IGFN1: variants seen among roughly 807,000 people sequenced by gnomAD.
IGFN1 encodes the protein immunoglobulin like and fibronectin type III domain containing 1, also known as immunoglobulin-like and fibronectin type III domain-containing protein 1.
A neutral mutation model predicts 289.5 loss-of-function variants in IGFN1; 253 were observed. The observed-to-expected ratio is 0.87, with a 90% CI of 0.79 to 0.97. IGFN1 has a LOEUF of 0.97. IGFN1 is among the 50% of genes least tolerant of loss of function. IGFN1 has a pLI of 0.00. For missense variants in IGFN1, 4,470 were observed against 4,686.1 expected (o/e 0.95, Z 1.35); for synonymous variants, 1,706 against 1,788.5 (o/e 0.95, Z 1.16).
At chr1:201,193,405 T>C (rs974882607) in intron 2 of IGFN1, 105 bp downstream of exon 2, 1 of 778,398 alleles carries the variant, frequency 1.3e-6, no homozygotes, top group African/African-American at 1.8e-5. Flanking sequence ...AACTTGCCCA[T>C]CTTGTTGTTG....
At chr1:201,205,503 C>T (rs769270207) in intron 11 of IGFN1, 149 bp downstream of exon 11, 4 of 893,518 alleles carry the variant, frequency 4.5e-6, no homozygotes, top group Non-Finnish European at 5.0e-6. Flanking sequence ...GCAGTGCAGA[C>T]CTTCATGGCC....
In IGFN1 at chr1:201,210,875, T is replaced by G; in HGVS notation, c.5982T>G (p.Asp1994Glu). 6.5e-7 allele frequency: 1 copy of G among 1,530,096 alleles called. No individual in the cohort carries two copies. Among genetic ancestry groups the G allele is most frequent in the Non-Finnish European group, 8.7e-7 (1 of 1,144,834 alleles). 94.8% of individuals were successfully genotyped at this position (1,530,096 alleles called of 1,614,324 possible). A position where few individuals can be genotyped will look rare whatever the true frequency, so the allele number is the denominator to read the frequency against. ...GTTCTGAGGAAATGGGGTCAATGGA[T>G]GAGGCAGGTTATAGGAAGGATTTGG... Reference protein sequence around the residue: ...LGGSEEMGSMDEAGYRKDLGA... With the variant: ...LGGSEEMGSMEEAGYRKDLGA... The change falls in exon 12 of 24, where the codon GAT becomes GAG. Residue 1994 changes from aspartate to glutamate, a missense_variant. Coordinates refer to ENST00000335211, the MANE Select transcript of IGFN1 (RefSeq NM_001164586.2).
At position 201,207,945 on chromosome 1, in the gene IGFN1, G is replaced by A. The variant is rs1667511313; in HGVS notation, c.3052G>A (p.Gly1018Arg). 1 of 1,536,816 alleles carries A rather than the reference G, an allele frequency of 6.5e-7. No homozygotes were observed. The highest frequency in any genetic ancestry group is 2.4e-5 in the East Asian group (1 of 40,916). ...CAGGCATGGCTCCGGAGCGCCTGGG[G>A]GAGTGTGGTCTGGAAATGAAGATTC... The part of the protein sequence containing the change: ...GYRHGSGAPG[G>R]VWSGNEDSGP... Residue 1018 changes from glycine to arginine, a missense_variant, in exon 12 of 24, where the codon GGA (glycine) becomes AGA (arginine). Physicochemically the swap from Gly to Arg is moderately radical, Grantham distance 125 (BLOSUM62 -2). Around this residue, in one of 8 missense-constraint regions of IGFN1, gnomAD observed 2,011 missense variants for 1,953.4 expected, o/e 1.03. Coordinates refer to ENST00000335211, the MANE Select transcript of IGFN1 (RefSeq NM_001164586.2).
chr1:201,206,567 C>T lies in IGFN1; in HGVS notation c.1674C>T (p.Gly558=), dbSNP rs1272630076. The T allele has an allele frequency of 6.5e-7, 1 of 1,550,022 alleles. No individual in the cohort carries two copies. The highest frequency in any genetic ancestry group is 2.0e-5 in the Admixed American group (1 of 50,988). ...NSDECWRKAG[G]WEAGSSRLQA... ...ATGAATGCTGGAGGAAAGCAGGAGG[C>T]TGGGAGGCTGGGTCCAGTCGGCTTC... is the stretch of plus-strand genomic sequence containing the variant. The change falls in exon 12 of 24, where the codon GGC becomes GGT. Residue 558 remains glycine, a synonymous_variant. Coordinates refer to ENST00000335211, the MANE Select transcript of IGFN1 (RefSeq NM_001164586.2).
In IGFN1 at chr1:201,220,896, C is replaced by T. The variant is rs151123719; in HGVS notation, c.9899-548C>T. On this transcript the variant is annotated intron_variant, in intron 18 of 23. Coordinates refer to ENST00000335211, the MANE Select transcript of IGFN1 (RefSeq NM_001164586.2). ...TTTTAAGCTCACCAGGTGATTCCAA[C>T]GTGCAGCCAGACTTGAGGGCCAGAG... 2.5e-3 allele frequency among the ~76,000 whole-genome samples: 388 copies of T among 152,274 alleles called. 3 individuals carry two copies. The highest frequency in any genetic ancestry group is 8.7e-3 in the African/African-American group (360 of 41,554).
chr1:201,214,590 G>A (rs529139949), intron 13 of IGFN1, among the ~76,000 whole-genome samples: 10 of 151,984 alleles, frequency 6.6e-5, no homozygotes, highest in Middle Eastern at 3.4e-3. Context: ...TCAAGGCCTC[G>A]TACAAATGCC....
chr1:201,203,209 G>A (rs1667239202), intron 9 of IGFN1, among the ~76,000 whole-genome samples: 1 of 152,118 alleles, frequency 6.6e-6, no homozygotes, highest in Non-Finnish European at 1.5e-5. Flanking sequence ...GCACACAGTG[G>A]GCCCCTAATA....
Position 201,221,455 on chromosome 1 carries a change from C to T in IGFN1, c.9910C>T (p.Leu3304=). ...FARDPMRPPG[L]VRNLQVTDRS... ...ATGGTGCCTGGCAGGACCCCCTGGGCTGGTGAGGAATCTCCAAGTCACAGA... is the reference window on the plus strand; with the variant it reads ...ATGGTGCCTGGCAGGACCCCCTGGGTTGGTGAGGAATCTCCAAGTCACAGA... The change falls in exon 19 of 24, where the codon CTG becomes TTG. Residue 3304 remains leucine, a synonymous_variant. Transcript: ENST00000335211. 6.3e-7 allele frequency: 1 copy of T among 1,586,352 alleles called. No individual in the cohort carries two copies. Among genetic ancestry groups the T allele is most frequent in the Non-Finnish European group, 8.6e-7 (1 of 1,164,462 alleles).
chr1:201,211,390 G>A lies in IGFN1; in HGVS notation c.6497G>A (p.Ser2166Asn). 6 of 1,490,758 alleles carry A rather than the reference G, an allele frequency of 4.0e-6. No homozygotes were observed. The highest frequency in any genetic ancestry group is 4.5e-6 in the Non-Finnish European group (5 of 1,118,382). The allele number at this position is 1,490,758 out of a possible 1,614,324, so 92.3% of individuals were successfully genotyped here. ...SKAGFRDGLG[S>N]SGEMGSMDEA... ...GCAGGTTTTAGGGATGGTTTAGGGA[G>A]TTCTGGGGAAATGGGGTCAATGGAT... Residue 2166 changes from serine (S) to asparagine (N), a missense_variant, in exon 12 of 24, where the codon AGT becomes AAT. Physicochemically the swap from Ser to Asn is conservative, Grantham distance 46. Transcript: ENST00000335211.
chr1:201,210,747 G>C lies in IGFN1; in HGVS notation c.5854G>C (p.Glu1952Gln). 6.5e-7 allele frequency: 1 copy of C among 1,531,508 alleles called. No individual in the cohort carries two copies. 94.9% of individuals were successfully genotyped at this position (1,531,508 alleles called of 1,614,324 possible). Reference protein sequence around the residue: ...EGFRDGLGGSEEMGSVNKAGY... With the variant: ...EGFRDGLGGSQEMGSVNKAGY... ...TTTCAGGGATGGTTTAGGGGGTTCT[G>C]AAGAAATGGGGTCAGTGAATAAGGC... Residue 1952 changes from glutamate to glutamine, a missense_variant, in exon 12 of 24, where the codon GAA (glutamate) becomes CAA (glutamine). Physicochemically the swap from Glu to Gln is conservative, Grantham distance 29 (BLOSUM62 2). Coordinates refer to ENST00000335211, the MANE Select transcript of IGFN1 (RefSeq NM_001164586.2).
rs371849613 is a variant in IGFN1 at position 201,200,824 on chromosome 1, A to C, written c.633+413A>C. On this transcript the variant is annotated intron_variant, in intron 8 of 23. Coordinates refer to ENST00000335211, the MANE Select transcript of IGFN1 (RefSeq NM_001164586.2). The stretch of plus-strand genomic sequence containing the variant: ...ATTGCGGGGGGGAGGTACCTGGTTT[A>C]TTTCTTTCTTTTTTTTTTTTTTTTT... Among the ~76,000 whole-genome samples the C allele has an allele frequency of 5.9e-3, 696 of 117,200 alleles. 6 individuals are homozygous for C. Among genetic ancestry groups the C allele is most frequent in the African/African-American group, 0.02 (657 of 32,482 alleles). The allele number at this position is 117,200 out of a possible 152,430, so 76.9% of individuals were successfully genotyped here.
At chr1:201,228,242 C>T (rs944201689) in intron 23 of IGFN1, 144 bp from the exon 24 acceptor site, 30 of 834,652 alleles carry the variant, frequency 3.6e-5, no homozygotes, top group Admixed American at 1.4e-4. Flanking sequence ...TTAGAGAGCA[C>T]GTGGTGGCTC....
chr1:201,226,818 C>A (rs545048290), intron 22 of IGFN1, 64 bp from the exon 23 acceptor site: 2 of 1,278,912 alleles, frequency 1.6e-6, no homozygotes, highest in Non-Finnish European at 1.1e-6. Flanking sequence ...TTACCCAGAC[C>A]CGGGTCTCAG....
Position 201,228,379 on chromosome 1 carries a change from C to T in IGFN1, c.11114-7C>T, listed in dbSNP as rs1459478658. 17 of 1,613,908 alleles carry T rather than the reference C, an allele frequency of 1.1e-5. No homozygotes were observed. The highest frequency in any genetic ancestry group is 1.4e-5 in the Non-Finnish European group (16 of 1,179,956). ...CTGAACCAACTGGAATATCCTGTGT[C>T]TTGCAGAACCCAGCACCTAGCCTCA... On this transcript the variant is annotated splice_region_variant and splice_polypyrimidine_tract_variant and intron_variant, in intron 23 of 23. Coordinates refer to ENST00000335211, the MANE Select transcript of IGFN1 (RefSeq NM_001164586.2).
chr1:201,194,405 C>A, intron 3 of IGFN1, 132 bp downstream of exon 3: 1 of 969,504 alleles, frequency 1.0e-6, no homozygotes, highest in Non-Finnish European at 1.5e-6. Flanking sequence ...GCCCATCTCC[C>A]TCCTATCCTT....
rs777762527 is a variant in IGFN1, at chr1:201,209,146, G to T, written c.4253G>T (p.Gly1418Val). Residue 1418 changes from glycine to valine, a missense_variant, in exon 12 of 24, where the codon GGG becomes GTG. Gly to Val is a moderately radical substitution (Grantham distance 109). Around this residue, in one of 8 missense-constraint regions of IGFN1, gnomAD observed 2,011 missense variants for 1,953.4 expected, o/e 1.03. Coordinates refer to ENST00000335211, the MANE Select transcript of IGFN1 (RefSeq NM_001164586.2). ...SGHRNGIGGY[G>V]EMGSGYREDL... is the part of the protein sequence containing the mutation. ...CATAGGAATGGGATTGGAGGTTATG[G>T]GGAAATGGGGTCAGGTTATAGGGAG... is the stretch of plus-strand genomic sequence containing the variant. The T allele has an allele frequency of 2.6e-6, 4 of 1,523,060 alleles. No individual in the cohort carries two copies. The African/African-American group carries it at 4.2e-5, about 16-fold the overall frequency. The allele number at this position is 1,523,060 out of a possible 1,614,324, so 94.3% of individuals were successfully genotyped here.
intron 4 of IGFN1, among the ~76,000 whole-genome samples, chr1:201,196,506 G>A (rs1195958833): frequency 2.0e-5 from 3 of 152,056 alleles, no homozygotes; most frequent in Non-Finnish European, 2.9e-5. Context: ...CATCACGCCC[G>A]ACTAATTTTT....
Position 201,195,948 on chromosome 1 carries a change from C to T in IGFN1, c.237C>T (p.Ser79=). ...LSDSSKYKIS[S]SPGSKEHVLQ... ...ATTCCAGCAAGTACAAGATCTCCTCCAGCCCTGGCAGCAAGGAGCACGTGC... is the reference window on the plus strand; with the variant it reads ...ATTCCAGCAAGTACAAGATCTCCTCTAGCCCTGGCAGCAAGGAGCACGTGC... The change falls in exon 4 of 24, where the codon TCC becomes TCT. Residue 79 remains serine (S), a synonymous_variant. Coordinates refer to ENST00000335211, the MANE Select transcript of IGFN1 (RefSeq NM_001164586.2). 1 of 1,551,896 alleles carries T rather than the reference C, an allele frequency of 6.4e-7. No homozygotes were observed. The highest frequency in any genetic ancestry group is 8.7e-7 in the Non-Finnish European group (1 of 1,147,046).
In IGFN1 at chr1:201,206,619, G is replaced by T. The variant is rs1667435924; in HGVS notation, c.1726G>T (p.Glu576Ter). The T allele has an allele frequency of 6.5e-7, 1 of 1,542,722 alleles. No homozygotes were observed. The highest frequency in any genetic ancestry group is 1.2e-5 in the South Asian group (1 of 84,068). Residue 576 changes from glutamate (E) to a stop codon, truncating the protein, a stop_gained, in exon 12 of 24, where the codon GAA (glutamate) becomes TAA (stop). Coordinates refer to ENST00000335211, the MANE Select transcript of IGFN1 (RefSeq NM_001164586.2). LOFTEE classifies it high-confidence loss of function. Reference protein sequence around the residue: ...LQAGGLGSSREGKEHRGDSGR... With the variant: ...LQAGGLGSSR ...GGCTGGAGGACTGGGGAGCAGCAGG[G>T]AAGGAAAGGAGCACAGAGGGGACAG...
Sources: gnomAD v4.1 joint callset for allele counts (sites outside exome capture counted in the v4.1 genomes callset) on GRCh38, gnomAD v4.1.1 for gene constraint, gnomAD v4.1.1 regional missense constraint, MANE v1.5 for transcripts, NCBI Gene and HGNC (gene_info 2026-07-23, HGNC 2026-07-21) for gene names.